KCNC3: variants seen among roughly 807,000 people sequenced by gnomAD.
KCNC3 encodes the protein potassium voltage-gated channel subfamily C member 3.
Under a neutral mutation model 43.9 loss-of-function variants are expected in KCNC3, and 22 were observed. That is an observed-to-expected ratio of 0.50 (90% CI 0.36 to 0.72). The LOEUF is 0.72. Among genes scored for constraint, KCNC3 ranks in the 30% least tolerant of loss-of-function variants. KCNC3 has a pLI of 0.00. For synonymous variants in KCNC3, 492 were observed against 488.0 expected (o/e 1.01, Z -0.11); for missense variants, 829 against 1,073.8 (o/e 0.77, Z 3.19).
Position 50,323,680 on chromosome 19 carries a change from A to G in KCNC3, c.1273T>C (p.Phe425Leu). The change falls in exon 2 of 5, where the codon TTC (phenylalanine) becomes CTC (leucine). Residue 425 changes from phenylalanine (F) to leucine (L), a missense_variant. Phe to Leu is a conservative substitution (Grantham distance 22). Transcript: ENST00000477616. Reference protein sequence around the residue: ...VVRFVRILRIFKLTRHFVGLR... With the variant: ...VVRFVRILRILKLTRHFVGLR... Reference sequence around the variant, plus strand: ...CCCACGAAGTGCCGGGTCAGCTTGAAGATGCGCAGGATGCGGACGAAGCGG... The same window carrying G: ...CCCACGAAGTGCCGGGTCAGCTTGAGGATGCGCAGGATGCGGACGAAGCGG... The G allele has an allele frequency of 6.2e-7, 1 of 1,614,218 alleles. No homozygotes were observed.
chr19:50,328,444 G>C lies in KCNC3; in HGVS notation c.639C>G (p.Ala213=). Residue 213 remains alanine, a synonymous_variant, in exon 1 of 5, where the codon GCC becomes GCG. Transcript: ENST00000477616. ...EAPDPAGAAN[A]ANAAGAHDGG... Reference sequence around the variant, plus strand: ...CGTCGTGGGCGCCTGCGGCGTTGGCGGCGTTGGCGGCGCCCGCGGGGTCGG... The same window carrying C: ...CGTCGTGGGCGCCTGCGGCGTTGGCCGCGTTGGCGGCGCCCGCGGGGTCGG... 1.9e-6 allele frequency: 3 copies of C among 1,574,546 alleles called. No homozygotes were observed. Among genetic ancestry groups the C allele is most frequent in the Non-Finnish European group, 1.7e-6 (2 of 1,163,730 alleles).
In KCNC3 at chr19:50,320,266, C is replaced by CGGCGTT; in HGVS notation, c.2248_2253dup (p.Asn750_Ala751dup). On this transcript the variant is annotated inframe_insertion, in exon 4 of 5. Coordinates refer to ENST00000477616, the MANE Select transcript of KCNC3 (RefSeq NM_004977.3). The stretch of plus-strand genomic sequence containing the variant: ...GTCCACTAGGGGGATATCCAGGCCG[C>CGGCGTT]GGCGTTGGCGTTGAGGTCGGGCAAG... 9.8e-7 allele frequency: 1 copy of CGGCGTT among 1,018,710 alleles called. No homozygotes were observed. Among genetic ancestry groups the CGGCGTT allele is most frequent in the Non-Finnish European group, 1.3e-6 (1 of 766,894 alleles). The allele number at this position is 1,018,710 out of a possible 1,614,324, so 63.1% of individuals were successfully genotyped here. A position where few individuals can be genotyped will look rare whatever the true frequency, so the allele number is the denominator to read the frequency against.
In KCNC3 at chr19:50,324,512, G is replaced by A. The variant is rs1170875309; in HGVS notation, c.871-430C>T. ...TCCTGTGTGTCTCGGAGGCTTTAGG[G>A]CTCAGCTTGGAGCTGGGCAGACGGG... On this transcript the variant is annotated intron_variant, in intron 1 of 4. Transcript: ENST00000477616. The surrounding 1 kb of genome is among the most constrained non-coding windows in gnomAD (Gnocchi z 4.1). 6.6e-6 allele frequency among the ~76,000 whole-genome samples: 1 copy of A among 152,154 alleles called. No individual in the cohort carries two copies. Among genetic ancestry groups the A allele is most frequent in the Non-Finnish European group, 1.5e-5 (1 of 68,032 alleles).
chr19:50,321,114 G>C (rs1012765323), intron 2 of KCNC3, among the ~76,000 whole-genome samples: 5 of 151,988 alleles, frequency 3.3e-5, no homozygotes, highest in Non-Finnish European at 5.9e-5. Context: ...CTGGGATGTG[G>C]TGGTGGTGCC....
chr19:50,331,341 T>C (rs1344647147), upstream of KCNC3, among the ~76,000 whole-genome samples: 1 of 145,434 alleles, frequency 6.9e-6, no homozygotes, highest in East Asian at 2.1e-4. Flanking sequence ...TGCCTCTCTG[T>C]CTGGGGCTCT....
intron 1 of KCNC3, among the ~76,000 whole-genome samples, chr19:50,325,693 A>G (rs944571632): frequency 6.8e-4 from 104 of 152,058 alleles, no homozygotes; most frequent in African/African-American, 2.3e-3. Context: ...GCGCGGCGCT[A>G]GCTGCGGCAC....
upstream of KCNC3, among the ~76,000 whole-genome samples, chr19:50,332,233 A>C (rs931683282): frequency 6.6e-6 from 1 of 152,130 alleles, no homozygotes; most frequent in East Asian, 1.9e-4. The surrounding 1 kb of genome is among the most constrained non-coding windows in gnomAD (Gnocchi z 5.8). Context: ...TGGGCTAGGT[A>C]AGGACCTCGG....
At position 50,314,773 on chromosome 19, in the gene KCNC3, C is replaced by T. The variant is rs2036924371; in HGVS notation, c.*1342G>A. 2.3e-6 allele frequency: 1 copy of T among 425,816 alleles called. No individual in the cohort carries two copies. The highest frequency in any genetic ancestry group is 2.1e-5 in the African/African-American group (1 of 47,610). The allele number at this position is 425,816 out of a possible 1,614,324, so 26.4% of individuals were successfully genotyped here. ...CTTTTTGATTTTTTTTAAAAAAACC[C>T]TTTTCCCCACCCCCCACCCCCAGCT... On this transcript the variant is annotated 3_prime_UTR_variant, in exon 5 of 5. Coordinates refer to ENST00000477616, the MANE Select transcript of KCNC3 (RefSeq NM_004977.3).
At chr19:50,327,043 G>A (rs1387969413) in intron 1 of KCNC3, among the ~76,000 whole-genome samples, 1 of 151,828 alleles carries the variant, frequency 6.6e-6, no homozygotes, top group African/African-American at 2.4e-5. Context: ...GGCCTCCCAG[G>A]GTTTGAGGTT....
chr19:50,320,191 G>A lies in KCNC3; in HGVS notation c.*23+32C>T, dbSNP rs1344079082. 2.4e-5 allele frequency: 6 copies of A among 246,470 alleles called. No individual in the cohort carries two copies. In the East Asian group the frequency reaches 3.3e-4, roughly 14 times the overall value. The allele number at this position is 246,470 out of a possible 1,614,324, so 15.3% of individuals were successfully genotyped here. A position where few individuals can be genotyped will look rare whatever the true frequency, so the allele number is the denominator to read the frequency against. ...TCAGGCAGGAGTGGGGAGTCTGGGG[G>A]TCCGGGGGATCAGAGGGTGGGGGCT... On this transcript the variant is annotated intron_variant, in intron 4 of 4. Coordinates refer to ENST00000477616, the MANE Select transcript of KCNC3 (RefSeq NM_004977.3).
In KCNC3 at chr19:50,328,463, G is replaced by C. The variant is rs2037135160; in HGVS notation, c.620C>G (p.Pro207Arg). Residue 207 changes from proline to arginine, a missense_variant, in exon 1 of 5, where the codon CCC becomes CGC. Physicochemically the swap from Pro to Arg is moderately radical, Grantham distance 103 (BLOSUM62 -2). This residue lies in a region of KCNC3 where 121 missense variants were observed against 247.4 expected (regional missense o/e 0.49). Coordinates refer to ENST00000477616, the MANE Select transcript of KCNC3 (RefSeq NM_004977.3). ...GTTGGCGGCGTTGGCGGCGCCCGCGGGGTCGGGCGCCTCGAAGGAGTCGAG... is the reference window on the plus strand; with the variant it reads ...GTTGGCGGCGTTGGCGGCGCCCGCGCGGTCGGGCGCCTCGAAGGAGTCGAG... Reference protein sequence around the residue: ...EALDSFEAPDPAGAANAANAA... With the variant: ...EALDSFEAPDRAGAANAANAA... 1.3e-6 allele frequency: 2 copies of C among 1,599,284 alleles called. No individual in the cohort carries two copies. Among genetic ancestry groups the C allele is most frequent in the Non-Finnish European group, 1.7e-6 (2 of 1,174,540 alleles).
intron 2 of KCNC3, among the ~76,000 whole-genome samples, chr19:50,322,404 C>A (rs2037044915): frequency 6.6e-6 from 1 of 152,126 alleles, no homozygotes; most frequent in South Asian, 2.1e-4. Context: ...TGGCCTGACT[C>A]TCCGTTTTGA....
chr19:50,320,089 T>G, intron 4 of KCNC3, 134 bp downstream of exon 4: 1 of 191,424 alleles, frequency 5.2e-6, no homozygotes, highest in Non-Finnish European at 1.0e-5. Context: ...GAGCTGGGGG[T>G]TAACTGGGTG....
Position 50,323,478 on chromosome 19 carries a change from A to G in KCNC3, c.1475T>C (p.Ile492Thr). The change falls in exon 2 of 5, where the codon ATT (isoleucine) becomes ACT (threonine). Residue 492 changes from isoleucine (I) to threonine (T), a missense_variant. Physicochemically the swap from Ile to Thr is moderately conservative, Grantham distance 89. This residue lies in a region of KCNC3 where 33 missense variants were observed against 96.0 expected (regional missense o/e 0.34). Coordinates refer to ENST00000477616, the MANE Select transcript of KCNC3 (RefSeq NM_004977.3). ...GGTGACCACAGCCCACCAGAAGCCA[A>G]TGGGGATGTTCTTGAAGTAGGTGTG... ...SNHTYFKNIPIGFWWAVVTMT... is the reference protein window; with the variant it reads ...SNHTYFKNIPTGFWWAVVTMT... The G allele has an allele frequency of 6.2e-7, 1 of 1,614,144 alleles. No individual in the cohort carries two copies. Among genetic ancestry groups the G allele is most frequent in the Non-Finnish European group, 8.5e-7 (1 of 1,180,012 alleles).
At chr19:50,327,507 G>A (rs1210127069) in intron 1 of KCNC3, among the ~76,000 whole-genome samples, 1 of 152,110 alleles carries the variant, frequency 6.6e-6, no homozygotes, top group African/African-American at 2.4e-5. Context: ...AGGCTGTGAG[G>A]TTGGGGTGGG....
At position 50,328,853 on chromosome 19, in the gene KCNC3, A is replaced by C; in HGVS notation, c.230T>G (p.Met77Arg). The part of the protein sequence containing the change: ...EPCPGLPAAA[M>R]GRHGGGGGDS... ...GCCACCGCCGCCGCCGTGCCGCCCC[A>C]TGGCCGCCGCCGGCAGCCCGGGGCA... Residue 77 changes from methionine to arginine, a missense_variant, in exon 1 of 5, where the codon ATG becomes AGG. Met to Arg is a moderately conservative substitution (Grantham distance 91). Transcript: ENST00000477616. 1.4e-6 allele frequency: 2 copies of C among 1,414,628 alleles called. No homozygotes were observed. The highest frequency in any genetic ancestry group is 1.5e-5 in the African/African-American group (1 of 65,724). The allele number at this position is 1,414,628 out of a possible 1,614,324, so 87.6% of individuals were successfully genotyped here. A position where few individuals can be genotyped will look rare whatever the true frequency, so the allele number is the denominator to read the frequency against.
chr19:50,326,927 G>T (rs2037114867), intron 1 of KCNC3, among the ~76,000 whole-genome samples: 1 of 151,370 alleles, frequency 6.6e-6, no homozygotes, highest in South Asian at 2.1e-4. Flanking sequence ...CACGGCGGGG[G>T]GGGAGGTTCG....
rs1353317416 is a variant in KCNC3 at position 50,329,294 on chromosome 19, C to G, written c.-212G>C. ...CGCGACCCAGCTGGACGAGTCGGGG[C>G]CGCCAATGAGACGGAGCGATTGGCT... On this transcript the variant is annotated 5_prime_UTR_variant, in exon 1 of 5. Coordinates refer to ENST00000477616, the MANE Select transcript of KCNC3 (RefSeq NM_004977.3). The G allele has an allele frequency of 3.9e-6, 1 of 256,118 alleles. No individual in the cohort carries two copies. Among genetic ancestry groups the G allele is most frequent in the Non-Finnish European group, 7.4e-6 (1 of 134,842 alleles). The allele number at this position is 256,118 out of a possible 1,614,324, so 15.9% of individuals were successfully genotyped here.
chr19:50,319,364 G>A (rs2036997573), intron 4 of KCNC3, among the ~76,000 whole-genome samples: 1 of 151,722 alleles, frequency 6.6e-6, no homozygotes. Context: ...ATCCTCACAA[G>A]ACCCCAGAGC....
Sources: allele counts gnomAD v4.1 joint callset (sites outside exome capture counted in the v4.1 genomes callset), GRCh38; gene constraint gnomAD v4.1.1; regional missense constraint gnomAD v4.1.1; non-coding constraint Gnocchi (gnomAD v3.1); transcripts MANE v1.5; gene names NCBI Gene and HGNC (gene_info 2026-07-23, HGNC 2026-07-21).